CNTN5: variants seen among roughly 807,000 people sequenced by gnomAD.
CNTN5 encodes contactin 5.
CNTN5 carries 77 observed loss-of-function variants against 129.1 expected under a neutral mutation model. The observed-to-expected ratio is 0.60, with a 90% CI of 0.50 to 0.72. CNTN5 has a LOEUF of 0.72. CNTN5 is among the 30% of genes least tolerant of loss of function. The probability of loss-of-function intolerance (pLI) is 0.00; values close to 1 mark genes in which losing one functional copy is unlikely to be tolerated. For missense variants in CNTN5, 1,478 were observed against 1,328.8 expected, an observed-to-expected ratio of 1.11 and a Z score of -1.75; for synonymous variants, 509 against 465.6, an observed-to-expected ratio of 1.09 and a Z score of -1.20.
At chr11:99,471,124 C>T (rs1751174391) in intron 2 of CNTN5, among the ~76,000 whole-genome samples, 1 of 147,866 alleles carries the variant, frequency 6.8e-6, no homozygotes, top group African/African-American at 2.5e-5. Flanking sequence ...ATCACAAGTA[C>T]ATTTTATATT....
At chr11:99,650,808 G>A (rs1952127052) in intron 3 of CNTN5, among the ~76,000 whole-genome samples, 1 of 151,820 alleles carries the variant, frequency 6.6e-6, no homozygotes, top group Non-Finnish European at 1.5e-5. Flanking sequence ...CATTTATGGG[G>A]TACATGGTGA....
intron 2 of CNTN5, among the ~76,000 whole-genome samples, chr11:99,376,425 T>C (rs1339086661): frequency 6.6e-6 from 1 of 152,190 alleles, no homozygotes; most frequent in Admixed American, 6.5e-5. Flanking sequence ...GACGTGGTAT[T>C]CTCTTGGTAG....
intron 3 of CNTN5, among the ~76,000 whole-genome samples, chr11:99,674,629 T>C (rs1009767859): frequency 2.0e-5 from 3 of 152,116 alleles, no homozygotes; most frequent in African/African-American, 7.2e-5. Context: ...CCAAACGAAT[T>C]GCAGCTGAAA....
At chr11:99,859,850 T>C (rs1695072001) in intron 6 of CNTN5, among the ~76,000 whole-genome samples, 1 of 152,156 alleles carries the variant, frequency 6.6e-6, no homozygotes. Flanking sequence ...TTTGTTTTAT[T>C]TTGGTTATAT....
chr11:99,695,390 T>A (rs377560354), intron 3 of CNTN5, among the ~76,000 whole-genome samples: 1 of 152,038 alleles, frequency 6.6e-6, no homozygotes, highest in East Asian at 1.9e-4. Flanking sequence ...ATTAGATCCA[T>A]GTGAAGATAG....
chr11:99,061,991 CAA>C (rs34784983), intron 1 of CNTN5, among the ~76,000 whole-genome samples: 97 of 142,776 alleles, frequency 6.8e-4, no homozygotes, highest in African/African-American at 9.6e-4. Context: ...GATCCTGTCT[CAA>C]AAAAAAAAAA....
chr11:100,204,750 T>A (rs532813416), intron 15 of CNTN5, among the ~76,000 whole-genome samples: 10 of 152,204 alleles, frequency 6.6e-5, no homozygotes, highest in African/African-American at 2.4e-4. Flanking sequence ...TCTCTGGAGA[T>A]AATAATCACA....
chr11:100,079,235 T>C (rs909273956), intron 13 of CNTN5, among the ~76,000 whole-genome samples: 2 of 152,196 alleles, frequency 1.3e-5, no homozygotes, highest in African/African-American at 4.8e-5. Context: ...TAATATAATT[T>C]GTACCTTTGA....
At chr11:99,383,325 T>TG (rs1940718005) in intron 2 of CNTN5, among the ~76,000 whole-genome samples, 1 of 152,166 alleles carries the variant, frequency 6.6e-6, no homozygotes, top group Admixed American at 6.6e-5. Context: ...ACTGGTCCCA[T>TG]ATGTCTATGG....
chr11:99,325,720 A>G (rs1436343635), intron 2 of CNTN5, among the ~76,000 whole-genome samples: 1 of 152,216 alleles, frequency 6.6e-6, no homozygotes, highest in Non-Finnish European at 1.5e-5. Flanking sequence ...GAAACACAGT[A>G]AAATATTTGT....
intron 2 of CNTN5, among the ~76,000 whole-genome samples, chr11:99,421,810 A>G (rs1047436458): frequency 6.6e-6 from 1 of 152,128 alleles, no homozygotes; most frequent in African/African-American, 2.4e-5. Context: ...AATCCAATTC[A>G]CTGCCTATTA....
At chr11:100,041,080 C>T (rs551205259) in intron 9 of CNTN5, among the ~76,000 whole-genome samples, 1 of 152,308 alleles carries the variant, frequency 6.6e-6, no homozygotes, top group East Asian at 1.9e-4. Flanking sequence ...ACACTAGGAG[C>T]TGTAGACTGG....
At chr11:99,158,534 G>A (rs1328431787) in intron 1 of CNTN5, among the ~76,000 whole-genome samples, 7 of 152,066 alleles carry the variant, frequency 4.6e-5, no homozygotes, top group Non-Finnish European at 1.0e-4. Flanking sequence ...TTTTTTGACT[G>A]TTTAATTTTT....
chr11:99,576,120 T>A (rs79865373), intron 3 of CNTN5, among the ~76,000 whole-genome samples: 1 of 152,140 alleles, frequency 6.6e-6, no homozygotes, highest in Non-Finnish European at 1.5e-5. Flanking sequence ...AAATAACCGC[T>A]TTTTCCCTAC....
At chr11:99,616,689 T>A (rs748066509) in intron 3 of CNTN5, among the ~76,000 whole-genome samples, 1 of 152,118 alleles carries the variant, frequency 6.6e-6, no homozygotes, top group African/African-American at 2.4e-5. Flanking sequence ...GGGGAAAGAA[T>A]GTGAGGAAGT....
At chr11:100,201,449 C>T (rs531756640) in intron 15 of CNTN5, among the ~76,000 whole-genome samples, 1 of 151,974 alleles carries the variant, frequency 6.6e-6, no homozygotes, top group South Asian at 2.1e-4. Flanking sequence ...TATCACTTTC[C>T]ACTTGTATCA....
rs12099208 is a variant in CNTN5 at position 99,801,313 on chromosome 11, T to C, written c.56-18231T>C. 4.8e-3 allele frequency among the ~76,000 whole-genome samples: 729 copies of C among 152,318 alleles called. 9 individuals carry two copies. The highest frequency in any genetic ancestry group is 0.014 in the African/African-American group (586 of 41,578). On this transcript the variant is annotated intron_variant, in intron 3 of 24. Transcript: ENST00000524871. ...GCTGAGAAGTCTGCAGTTAATCTGA[T>C]GAGGTCCTCTTTGTATGTAATCTAA...
intron 10 of CNTN5, among the ~76,000 whole-genome samples, chr11:100,064,934 A>T (rs541959984): frequency 1.5e-4 from 23 of 152,264 alleles, no homozygotes; most frequent in African/African-American, 5.3e-4. Flanking sequence ...TATTTTATGT[A>T]CACAAAAATC....
chr11:100,330,159 G>T (rs1307836267), intron 21 of CNTN5, among the ~76,000 whole-genome samples: 1 of 152,112 alleles, frequency 6.6e-6, no homozygotes, highest in Non-Finnish European at 1.5e-5. Flanking sequence ...GGAAATCAAA[G>T]ACACACTTAG....
Sources: gnomAD v4.1 joint callset for allele counts (sites outside exome capture counted in the v4.1 genomes callset) on GRCh38, gnomAD v4.1.1 for gene constraint, MANE v1.5 for transcripts, NCBI Gene and HGNC (gene_info 2026-07-23, HGNC 2026-07-21) for gene names.